The following LAMA4 variants were observed in gnomAD, a reference collection of about 807,000 sequenced individuals.
LAMA4 encodes the protein laminin subunit alpha-4.
In LAMA4, 127 loss-of-function variants were observed where a neutral mutation model predicts 207.1. The observed-to-expected ratio is 0.61, with a 90% CI of 0.53 to 0.71. LAMA4 has a LOEUF of 0.71. Ranked by LOEUF, LAMA4 falls within the 30% of genes least tolerant of loss-of-function variation. LAMA4 has a pLI of 0.00. For missense variants in LAMA4, 2,093 were observed against 2,246.5 expected (o/e 0.93, Z 1.38); for synonymous variants, 761 against 816.0 (o/e 0.93, Z 1.15).
At chr6:112,142,911 C>T (rs1249514723) in intron 19 of LAMA4, among the ~76,000 whole-genome samples, 3 of 152,150 alleles carry the variant, frequency 2.0e-5, no homozygotes, top group East Asian at 3.9e-4. Flanking sequence ...GCATGAAATA[C>T]GATAACTATA....
intron 38 of LAMA4, among the ~76,000 whole-genome samples, chr6:112,109,995 A>T (rs1384049178): frequency 6.6e-6 from 1 of 152,206 alleles, no homozygotes; most frequent in Non-Finnish European, 1.5e-5. Flanking sequence ...GACTTGGTTA[A>T]TATTTCTGTT....
At chr6:112,141,018 T>A in intron 21 of LAMA4, 96 bp from the exon 22 acceptor site, 1 of 1,058,462 alleles carries the variant, frequency 9.4e-7, no homozygotes, top group Non-Finnish European at 1.5e-6. Flanking sequence ...ACAAAATGGG[T>A]AATTTTGTGA....
intron 2 of LAMA4, among the ~76,000 whole-genome samples, chr6:112,251,771 T>C (rs1787474008): frequency 6.6e-6 from 1 of 152,246 alleles, no homozygotes; most frequent in Non-Finnish European, 1.5e-5. Flanking sequence ...AACTATGCAG[T>C]GGGAACATAA....
At chr6:112,110,594 A>G (rs111709203) in intron 38 of LAMA4, among the ~76,000 whole-genome samples, 1 of 152,216 alleles carries the variant, frequency 6.6e-6, no homozygotes, top group Non-Finnish European at 1.5e-5. Context: ...TGAGAGATCA[A>G]TTCCCTTTAT....
intron 9 of LAMA4, chr6:112,179,002 C>T (rs868944579): frequency 6.6e-6 from 1 of 152,218 alleles, no homozygotes; most frequent in African/African-American, 2.4e-5. Flanking sequence ...TGAATTACCA[C>T]AGAGATTTCA....
In LAMA4 at chr6:112,140,824, G is replaced by C. The variant is rs781856644; in HGVS notation, c.2912C>G (p.Ser971Cys). The C allele has an allele frequency of 2.5e-6, 4 of 1,613,916 alleles. No homozygotes were observed. The highest frequency in any genetic ancestry group is 1.3e-5 in the African/African-American group (1 of 74,918). ...GTCCTCAGGGTCCAGGTCCAGCAGA[G>C]AGTCATCTCCCGAAAATTCCCCCTT... Reference protein sequence around the residue: ...IKKGEFSGDDSLLDLDPEDTV... With the variant: ...IKKGEFSGDDCLLDLDPEDTV... Residue 971 changes from serine to cysteine, a missense_variant, in exon 22 of 39, where the codon TCT (serine) becomes TGT (cysteine). Physicochemically the swap from Ser to Cys is moderately radical, Grantham distance 112. Transcript: ENST00000230538.
At chr6:112,139,000 C>G (rs572104314) in intron 24 of LAMA4, 120 bp downstream of exon 24, 1 of 1,045,370 alleles carries the variant, frequency 9.6e-7, no homozygotes, top group African/African-American at 1.6e-5. Flanking sequence ...ATTTGACTTT[C>G]TAAACTAGAA....
At chr6:112,110,556 CAT>C (rs1222035848) in intron 38 of LAMA4, among the ~76,000 whole-genome samples, 1 of 152,172 alleles carries the variant, frequency 6.6e-6, no homozygotes, top group African/African-American at 2.4e-5. Context: ...GAATGATAAT[CAT>C]AAAAGTTTTA....
chr6:112,129,144 G>T, intron 30 of LAMA4, 69 bp from the exon 31 acceptor site: 1 of 1,391,290 alleles, frequency 7.2e-7, no homozygotes, highest in Non-Finnish European at 1.0e-6. Flanking sequence ...GAATATTATG[G>T]AAGTGAAAGA....
chr6:112,176,587 T>C (rs1159199462), intron 10 of LAMA4, among the ~76,000 whole-genome samples: 1 of 152,200 alleles, frequency 6.6e-6, no homozygotes, highest in Admixed American at 6.6e-5. Flanking sequence ...GGATTAAACA[T>C]CCACTCCTCA....
chr6:112,157,985 A>C (rs946110369), intron 14 of LAMA4: 2 of 152,290 alleles, frequency 1.3e-5, no homozygotes, highest in South Asian at 2.1e-4. Context: ...TTTTGAACAG[A>C]AGTTAATATT....
chr6:112,134,534 C>T lies in LAMA4; in HGVS notation c.3490G>A (p.Glu1164Lys), dbSNP rs1554330872. 6.2e-7 allele frequency: 1 copy of T among 1,611,852 alleles called. No individual in the cohort carries two copies. The highest frequency in any genetic ancestry group is 1.1e-5 in the South Asian group (1 of 91,028). Reference protein sequence around the residue: ...DRRHVKSMDNEKMKIPFTDIY... With the variant: ...DRRHVKSMDNKKMKIPFTDIY... ...TCTGTAAAAGGTATTTTCATCTTTT[C>T]ATTATCCATGCTCTTGACATGCCTT... The change falls in exon 26 of 39, where the codon GAA becomes AAA. Residue 1164 changes from glutamate (E) to lysine (K), a missense_variant. Coordinates refer to ENST00000230538, the MANE Select transcript of LAMA4 (RefSeq NM_001105206.3).
At chr6:112,167,875 C>G (rs1781473223) in intron 12 of LAMA4, among the ~76,000 whole-genome samples, 1 of 151,180 alleles carries the variant, frequency 6.6e-6, no homozygotes, top group Non-Finnish European at 1.5e-5. Flanking sequence ...CACACACACA[C>G]ACACACACAC....
chr6:112,145,107 T>C (rs185227616), intron 18 of LAMA4, among the ~76,000 whole-genome samples, 174 bp from the exon 19 acceptor site: 26 of 152,304 alleles, frequency 1.7e-4, no homozygotes, highest in Non-Finnish European at 3.4e-4. Flanking sequence ...GATCAGGGAA[T>C]AGGTTGAGGC....
At chr6:112,124,715 A>G (rs1183866234) in intron 31 of LAMA4, among the ~76,000 whole-genome samples, 1 of 151,650 alleles carries the variant, frequency 6.6e-6, no homozygotes, top group Non-Finnish European at 1.5e-5. Context: ...TAGTTGAGCT[A>G]CTGAAGAAAA....
chr6:112,216,306 T>A, intron 3 of LAMA4, 62 bp downstream of exon 3: 1 of 1,114,066 alleles, frequency 9.0e-7, no homozygotes, highest in African/African-American at 1.5e-5. Flanking sequence ...AAATATTTTA[T>A]CTTCACCCAA....
intron 5 of LAMA4, among the ~76,000 whole-genome samples, chr6:112,194,651 C>A (rs1357232716): frequency 4.6e-5 from 7 of 152,276 alleles, no homozygotes; most frequent in African/African-American, 1.7e-4. Flanking sequence ...TAGCTCAAAC[C>A]TCTGTGGGAC....
intron 2 of LAMA4, among the ~76,000 whole-genome samples, chr6:112,239,973 G>C (rs189555221): frequency 1.3e-5 from 2 of 152,134 alleles, no homozygotes; most frequent in East Asian, 1.9e-4. Context: ...GGAGGATGGC[G>C]TGAACCCGGG....
intron 9 of LAMA4, among the ~76,000 whole-genome samples, chr6:112,182,136 T>G (rs538198278): frequency 1.5e-3 from 216 of 141,474 alleles, no homozygotes; most frequent in Non-Finnish European, 1.9e-3. Flanking sequence ...AAATAAATAT[T>G]ATATACAGAT....
Sources: gnomAD v4.1 joint callset for allele counts (sites outside exome capture counted in the v4.1 genomes callset) on GRCh38, gnomAD v4.1.1 for gene constraint, MANE v1.5 for transcripts, NCBI Gene and HGNC (gene_info 2026-07-23, HGNC 2026-07-21) for gene names.